Variants in INIP observed in about 807,000 individuals in gnomAD.
The protein encoded by INIP is SOSS complex subunit C.
INIP carries 9 observed loss-of-function variants against 14.0 expected under a neutral mutation model. The ratio of observed to expected loss-of-function variants is 0.64; its 90% CI spans 0.39 to 1.12. The LOEUF is 1.12. Ranked by LOEUF, INIP falls within the 50% of genes most tolerant of loss-of-function variation. The pLI is 0.01. For synonymous variants in INIP, 37 were observed against 41.5 expected, an observed-to-expected ratio of 0.89 and a Z score of 0.41; for missense variants, 78 against 122.7, an observed-to-expected ratio of 0.64 and a Z score of 1.72.
Position 112,716,561 on chromosome 9 carries a change from A to T in INIP, c.-56-20T>A. 8.3e-7 allele frequency: 1 copy of T among 1,200,304 alleles called. No individual in the cohort carries two copies. 74.4% of individuals were successfully genotyped at this position (1,200,304 alleles called of 1,614,324 possible). On this transcript the variant is annotated intron_variant, in intron 1 of 4. Transcript: ENST00000374242. ...AATCACCTATAAAATATGTGTACAC[A>T]CATATACAATGCACCATATTTTAAT...
chr9:112,713,231 T>G (rs1297657349), intron 2 of INIP, among the ~76,000 whole-genome samples: 1 of 152,192 alleles, frequency 6.6e-6, no homozygotes, highest in Non-Finnish European at 1.5e-5. Context: ...ATCAAGGAAA[T>G]GCATTTTAAT....
At chr9:112,709,431 AC>A (rs1838581956) in intron 2 of INIP, among the ~76,000 whole-genome samples, 1 of 152,018 alleles carries the variant, frequency 6.6e-6, no homozygotes, top group Non-Finnish European at 1.5e-5. Flanking sequence ...GTGGGTTCTC[AC>A]CTCAGCACTA....
intron 2 of INIP, among the ~76,000 whole-genome samples, chr9:112,700,522 A>AT: frequency 7.2e-6 from 1 of 138,368 alleles, no homozygotes; most frequent in African/African-American, 2.9e-5. Context: ...TTAGGTATAT[A>AT]TAATATATAT....
chr9:112,705,340 G>A (rs376576083), intron 2 of INIP, among the ~76,000 whole-genome samples: 2 of 151,816 alleles, frequency 1.3e-5, no homozygotes, highest in African/African-American at 2.4e-5. Flanking sequence ...ACAAGGTCTC[G>A]CTCTGTTGCC....
intron 2 of INIP, among the ~76,000 whole-genome samples, chr9:112,700,655 C>G (rs1436183634): frequency 6.6e-6 from 1 of 150,766 alleles, no homozygotes; most frequent in African/African-American, 2.4e-5. Context: ...TTTCTACCTA[C>G]AAAAACAATT....
chr9:112,694,632 G>A (rs1838012392), intron 2 of INIP, among the ~76,000 whole-genome samples: 1 of 152,180 alleles, frequency 6.6e-6, no homozygotes, highest in Admixed American at 6.5e-5. Context: ...ATCTTTGGGA[G>A]GGCAGATGTT....
intron 2 of INIP, among the ~76,000 whole-genome samples, chr9:112,707,772 T>C (rs2131308957): frequency 6.6e-6 from 1 of 152,324 alleles, no homozygotes; most frequent in Non-Finnish European, 1.5e-5. Flanking sequence ...TCCTGTCAAG[T>C]GGTTATCCTA....
intron 2 of INIP, among the ~76,000 whole-genome samples, chr9:112,707,135 C>CT (rs1838499643): frequency 6.6e-6 from 1 of 151,848 alleles, no homozygotes; most frequent in Admixed American, 6.6e-5. Context: ...GATGGGGTTT[C>CT]TCCATGTTGG....
At chr9:112,690,619 T>A (rs1371487238) in intron 3 of INIP, among the ~76,000 whole-genome samples, 1 of 152,252 alleles carries the variant, frequency 6.6e-6, no homozygotes, top group African/African-American at 2.4e-5. Context: ...AGTAGTCACA[T>A]GCTTCAAGGC....
chr9:112,694,272 G>A (rs1838001953), intron 2 of INIP, 39 bp from the exon 3 acceptor site: 1 of 1,236,740 alleles, frequency 8.1e-7, no homozygotes, highest in Non-Finnish European at 1.2e-6. Flanking sequence ...GGGAGAAAGA[G>A]AGAGTAATCA....
At chr9:112,704,253 A>G (rs1042456218) in intron 2 of INIP, among the ~76,000 whole-genome samples, 2 of 152,198 alleles carry the variant, frequency 1.3e-5, no homozygotes, top group Admixed American at 6.5e-5. Context: ...ATCACACACA[A>G]TGACCGAGTA....
Position 112,684,942 on chromosome 9 carries a change from C to T in INIP, c.*2596G>A, listed in dbSNP as rs1430526630. The T allele has an allele frequency of 6.6e-6, 1 of 152,380 alleles. No individual in the cohort carries two copies. The highest frequency in any genetic ancestry group is 1.5e-5 in the Non-Finnish European group (1 of 68,176). 9.4% of individuals were successfully genotyped at this position (152,380 alleles called of 1,614,324 possible). On this transcript the variant is annotated 3_prime_UTR_variant, in exon 5 of 5. Transcript: ENST00000374242. ...TCCCTCACCCTCTGCAGTGCCTGCT[C>T]TTCTCCTCTCATTCTGAAACCTTGC...
intron 3 of INIP, among the ~76,000 whole-genome samples, chr9:112,693,723 C>A (rs1837975817): frequency 6.6e-6 from 1 of 152,168 alleles, no homozygotes; most frequent in Non-Finnish European, 1.5e-5. Context: ...AGAAAAAAAT[C>A]ATTGCCAGCC....
At position 112,716,550 on chromosome 9, in the gene INIP, T is replaced by C; in HGVS notation, c.-56-9A>G. 7.3e-7 allele frequency: 1 copy of C among 1,368,860 alleles called. No homozygotes were observed. The highest frequency in any genetic ancestry group is 2.3e-5 in the East Asian group (1 of 43,654). 84.8% of individuals were successfully genotyped at this position (1,368,860 alleles called of 1,614,324 possible). ...CAGCACTTCACAATCACCTATAAAA[T>C]ATGTGTACACACATATACAATGCAC... On this transcript the variant is annotated splice_polypyrimidine_tract_variant and intron_variant, in intron 1 of 4. Transcript: ENST00000374242.
chr9:112,708,541 T>C (rs1173675548), intron 2 of INIP, among the ~76,000 whole-genome samples: 1 of 152,184 alleles, frequency 6.6e-6, no homozygotes, highest in African/African-American at 2.4e-5. Flanking sequence ...CTAGATTTTT[T>C]TGGTTCTTGC....
At chr9:112,694,791 C>T (rs1169167131) in intron 2 of INIP, among the ~76,000 whole-genome samples, 1 of 152,154 alleles carries the variant, frequency 6.6e-6, no homozygotes, top group Non-Finnish European at 1.5e-5. Flanking sequence ...CAAAGAATTT[C>T]AACTGACCAG....
intron 2 of INIP, among the ~76,000 whole-genome samples, chr9:112,696,720 G>C (rs891314897): frequency 1.3e-5 from 2 of 152,182 alleles, no homozygotes; most frequent in Admixed American, 6.5e-5. Context: ...CTTGGATTTG[G>C]TTAATTTGCT....
intron 2 of INIP, among the ~76,000 whole-genome samples, chr9:112,706,672 A>G (rs1838479261): frequency 1.3e-5 from 2 of 152,212 alleles, no homozygotes; most frequent in South Asian, 4.1e-4. Flanking sequence ...TTTTTAACCC[A>G]TATAGTCTCC....
chr9:112,716,548 A>T lies in INIP; in HGVS notation c.-56-7T>A. 1 of 1,398,552 alleles carries T rather than the reference A, an allele frequency of 7.2e-7. No individual in the cohort carries two copies. The highest frequency in any genetic ancestry group is 1.0e-6 in the Non-Finnish European group (1 of 983,472). The allele number at this position is 1,398,552 out of a possible 1,614,324, so 86.6% of individuals were successfully genotyped here. ...GTCAGCACTTCACAATCACCTATAA[A>T]ATATGTGTACACACATATACAATGC... On this transcript the variant is annotated splice_region_variant and splice_polypyrimidine_tract_variant and intron_variant, in intron 1 of 4. Coordinates refer to ENST00000374242, the MANE Select transcript of INIP (RefSeq NM_021218.3).
Sources: gnomAD v4.1 joint callset for allele counts (sites outside exome capture counted in the v4.1 genomes callset) on GRCh38, gnomAD v4.1.1 for gene constraint, MANE v1.5 for transcripts, NCBI Gene and HGNC (gene_info 2026-07-23, HGNC 2026-07-21) for gene names.